The following PDE8A variants were observed in gnomAD, a reference collection of about 807,000 sequenced individuals.
PDE8A encodes the protein high affinity cAMP-specific and IBMX-insensitive 3',5'-cyclic phosphodiesterase 8A.
In PDE8A, 59 loss-of-function variants were observed where a neutral mutation model predicts 105.0. The ratio of observed to expected loss-of-function variants is 0.56; its 90% CI spans 0.46 to 0.70. The LOEUF (loss-of-function observed/expected upper bound fraction) is 0.70, where lower values mean the gene tolerates loss of function less well. Among genes scored for constraint, PDE8A ranks in the 30% least tolerant of loss-of-function variants. The probability of loss-of-function intolerance (pLI) is 0.00; values close to 1 mark genes in which losing one functional copy is unlikely to be tolerated. For missense variants in PDE8A, 1,014 were observed against 1,045.9 expected, an observed-to-expected ratio of 0.97 and a Z score of 0.42; for synonymous variants, 355 against 371.9, an observed-to-expected ratio of 0.95 and a Z score of 0.52.
At chr15:85,078,100 C>G (rs2081405210) in intron 5 of PDE8A, among the ~76,000 whole-genome samples, 1 of 137,966 alleles carries the variant, frequency 7.2e-6, no homozygotes, top group Non-Finnish European at 1.5e-5. Flanking sequence ...CTGACATATC[C>G]AAAGTAGAGT....
At chr15:84,989,828 T>G (rs889953059) in intron 1 of PDE8A, among the ~76,000 whole-genome samples, 3 of 152,222 alleles carry the variant, frequency 2.0e-5, no homozygotes, top group African/African-American at 7.2e-5. Flanking sequence ...AATATAGTTT[T>G]TCTCCAATAT....
At chr15:85,098,415 T>C (rs1197732042) in intron 9 of PDE8A, among the ~76,000 whole-genome samples, 2 of 152,218 alleles carry the variant, frequency 1.3e-5, no homozygotes, top group Non-Finnish European at 2.9e-5. Flanking sequence ...ACCTATCAAA[T>C]TAGATAAAAA....
chr15:84,982,979 C>T (rs1596403787), intron 1 of PDE8A, among the ~76,000 whole-genome samples: 1 of 152,322 alleles, frequency 6.6e-6, no homozygotes, highest in African/African-American at 2.4e-5. Context: ...ATTTTTGAAG[C>T]ATTCAGCAGA....
intron 1 of PDE8A, among the ~76,000 whole-genome samples, chr15:85,011,759 A>C (rs2080242868): frequency 6.6e-6 from 1 of 152,222 alleles, no homozygotes; most frequent in Admixed American, 6.5e-5. Flanking sequence ...GTGAACAGGC[A>C]ACCTACAAAA....
At chr15:84,989,252 C>T (rs2079849426) in intron 1 of PDE8A, among the ~76,000 whole-genome samples, 1 of 152,230 alleles carries the variant, frequency 6.6e-6, no homozygotes, top group Non-Finnish European at 1.5e-5. Flanking sequence ...AAGGATGTTG[C>T]AGATTTCCCA....
intron 3 of PDE8A, among the ~76,000 whole-genome samples, chr15:85,073,209 T>C (rs1461433342): frequency 6.6e-6 from 1 of 152,228 alleles, no homozygotes; most frequent in Non-Finnish European, 1.5e-5. Flanking sequence ...TTTCGTGACC[T>C]TCTTGAATTC....
At chr15:85,052,898 C>T (rs545945587) in intron 1 of PDE8A, among the ~76,000 whole-genome samples, 32 of 152,298 alleles carry the variant, frequency 2.1e-4, no homozygotes, top group African/African-American at 7.7e-4. Context: ...AGTCCTTGCC[C>T]ATGCCTATGT....
intron 1 of PDE8A, among the ~76,000 whole-genome samples, chr15:85,007,488 T>C (rs1000606863): frequency 1.3e-5 from 2 of 151,206 alleles, no homozygotes; most frequent in African/African-American, 4.9e-5. Context: ...CAAAAATAAA[T>C]CTATTAGTAC....
chr15:85,035,133 T>C (rs2080682424), intron 1 of PDE8A, among the ~76,000 whole-genome samples: 1 of 147,230 alleles, frequency 6.8e-6, no homozygotes, highest in Admixed American at 6.8e-5. Flanking sequence ...TCTGAGCAAC[T>C]CAAAACCTGG....
At chr15:85,005,474 A>G (rs931615175) in intron 1 of PDE8A, among the ~76,000 whole-genome samples, 2 of 152,172 alleles carry the variant, frequency 1.3e-5, no homozygotes, top group Admixed American at 1.3e-4. Flanking sequence ...TTAGAATTTG[A>G]ATAGCTTGTC....
At chr15:85,041,597 A>G (rs2080809572) in intron 1 of PDE8A, among the ~76,000 whole-genome samples, 1 of 152,238 alleles carries the variant, frequency 6.6e-6, no homozygotes, top group Non-Finnish European at 1.5e-5. Context: ...TTAAAAATGT[A>G]TTCATTTTGG....
intron 6 of PDE8A, among the ~76,000 whole-genome samples, chr15:85,087,187 T>C (rs2081568118): frequency 6.6e-6 from 1 of 151,970 alleles, no homozygotes; most frequent in African/African-American, 2.4e-5. Flanking sequence ...CCAGCAATAA[T>C]GTAAAGGCAT....
At chr15:85,110,838 T>C (rs2082011177) in intron 12 of PDE8A, among the ~76,000 whole-genome samples, 1 of 152,224 alleles carries the variant, frequency 6.6e-6, no homozygotes, top group Non-Finnish European at 1.5e-5. Context: ...TCCAGTTTTA[T>C]TCTCCAATAA....
intron 1 of PDE8A, among the ~76,000 whole-genome samples, chr15:85,053,996 A>G (rs1330953189): frequency 1.3e-5 from 2 of 152,342 alleles, no homozygotes; most frequent in Middle Eastern, 3.4e-3. Flanking sequence ...TGTCCCATCA[A>G]TACCTAGTTT....
chr15:85,096,937 T>C (rs1444527054), intron 8 of PDE8A, among the ~76,000 whole-genome samples: 5 of 152,224 alleles, frequency 3.3e-5, no homozygotes, highest in African/African-American at 1.2e-4. Context: ...TTATCATTGG[T>C]ATTTGGATGC....
chr15:85,001,197 G>A (rs1399434153), intron 1 of PDE8A, among the ~76,000 whole-genome samples: 4 of 151,968 alleles, frequency 2.6e-5, no homozygotes, highest in Admixed American at 6.6e-5. Context: ...GACTTTTGAC[G>A]GTGCAGTTTC....
chr15:85,038,648 A>G (rs1448523602), intron 1 of PDE8A, among the ~76,000 whole-genome samples: 1 of 152,196 alleles, frequency 6.6e-6, no homozygotes, highest in Non-Finnish European at 1.5e-5. Context: ...TACTAATAAC[A>G]AGAAAACACG....
At chr15:85,029,923 C>G (rs1051108616) in intron 1 of PDE8A, among the ~76,000 whole-genome samples, 2 of 152,186 alleles carry the variant, frequency 1.3e-5, no homozygotes, top group Non-Finnish European at 2.9e-5. Flanking sequence ...AGAAAGAAGT[C>G]TCCACCTCTC....
Position 85,120,829 on chromosome 15 carries a change from A to G in PDE8A, c.1767A>G (p.Ala589=). 6.2e-7 allele frequency: 1 copy of G among 1,613,538 alleles called. No individual in the cohort carries two copies. The highest frequency in any genetic ancestry group is 8.5e-7 in the Non-Finnish European group (1 of 1,179,498). The change falls in exon 18 of 22, where the codon GCA becomes GCG. Residue 589 remains alanine, a synonymous_variant. Transcript: ENST00000394553. The part of the protein sequence containing the change: ...ETLDPIDEVA[A]LIAATIHDVD... ...TAGATCCAATTGATGAGGTCGCTGCACTCATCGCAGCCACCATTCATGATG... is the reference window on the plus strand; with the variant it reads ...TAGATCCAATTGATGAGGTCGCTGCGCTCATCGCAGCCACCATTCATGATG...
Sources: gnomAD v4.1 joint callset for allele counts (sites outside exome capture counted in the v4.1 genomes callset) on GRCh38, gnomAD v4.1.1 for gene constraint, MANE v1.5 for transcripts, NCBI Gene and HGNC (gene_info 2026-07-23, HGNC 2026-07-21) for gene names.